Variants in ANO2 observed in about 807,000 individuals in gnomAD.
ANO2 encodes anoctamin 2, also known as anoctamin-2.
Under a neutral mutation model 124.2 loss-of-function variants are expected in ANO2, and 101 were observed. That is an observed-to-expected ratio of 0.81 (90% CI 0.69 to 0.96). ANO2 has a LOEUF of 0.96. Among genes scored for constraint, ANO2 ranks in the 40% least tolerant of loss-of-function variants. The pLI, the probability that ANO2 is intolerant of heterozygous loss-of-function variation, is 0.00. For missense variants in ANO2, 1,293 were observed against 1,274.5 expected, an observed-to-expected ratio of 1.01 and a Z score of -0.22; for synonymous variants, 486 against 482.5, an observed-to-expected ratio of 1.01 and a Z score of -0.09.
In ANO2 at chr12:5,904,369, AC is replaced by A. The variant is rs1325516373; in HGVS notation, c.534+16670del. Among the ~76,000 whole-genome samples the A allele has an allele frequency of 6.6e-6, 1 of 152,218 alleles. No individual in the cohort carries two copies. Among genetic ancestry groups the A allele is most frequent in the African/African-American group, 2.4e-5 (1 of 41,458 alleles). ...TGCAGCTGCCGCAAAGCAGGGTTACACTGAAGGGTCTGAATGAGTGGGATTG... is the reference window on the plus strand; with the variant it reads ...TGCAGCTGCCGCAAAGCAGGGTTACATGAAGGGTCTGAATGAGTGGGATTG... On this transcript the variant is annotated intron_variant, in intron 3 of 24. Transcript: ENST00000682330. This position sits in a 1 kb window ranked among gnomAD's most constrained non-coding sequence, Gnocchi z 4.1.
At chr12:5,846,788 A>G (rs981311822) in intron 4 of ANO2, among the ~76,000 whole-genome samples, 5 of 152,190 alleles carry the variant, frequency 3.3e-5, no homozygotes, top group Non-Finnish European at 7.4e-5. Context: ...GATACCTGTC[A>G]TTGGATTTAA....
intron 1 of ANO2, among the ~76,000 whole-genome samples, chr12:5,938,530 T>C (rs1157886552): frequency 6.6e-6 from 1 of 152,178 alleles, no homozygotes; most frequent in Non-Finnish European, 1.5e-5. Flanking sequence ...CTTATTAAGA[T>C]AAGCTAAGGG....
chr12:5,943,416 CTAAA>C (rs1368103930), intron 1 of ANO2, among the ~76,000 whole-genome samples: 2 of 151,866 alleles, frequency 1.3e-5, no homozygotes, highest in African/African-American at 4.8e-5. Context: ...GAATGGGTAA[CTAAA>C]TATCATATGT....
chr12:5,854,784 A>C (rs962325751), intron 3 of ANO2, among the ~76,000 whole-genome samples: 1 of 152,210 alleles, frequency 6.6e-6, no homozygotes, highest in Non-Finnish European at 1.5e-5. Context: ...TTCTCTCAAA[A>C]CATGAAAAAT....
intron 3 of ANO2, among the ~76,000 whole-genome samples, chr12:5,909,160 A>G (rs1182188957): frequency 3.3e-5 from 5 of 152,080 alleles, no homozygotes; most frequent in Non-Finnish European, 7.4e-5. Flanking sequence ...CTGTAGAAAA[A>G]CCCACAACCC....
rs1940566667 is a variant in ANO2, at chr12:5,904,845, T to C, written c.534+16195A>G. Reference sequence around the variant, plus strand: ...TAAAAGGTATCTGCAGGGATCCAGCTCTTTCCCAACCCACAAGCTCCCACC... The same window carrying C: ...TAAAAGGTATCTGCAGGGATCCAGCCCTTTCCCAACCCACAAGCTCCCACC... On this transcript the variant is annotated intron_variant, in intron 3 of 24. Transcript: ENST00000682330. The surrounding 1 kb of genome is among the most constrained non-coding windows in gnomAD (Gnocchi z 4.1). Among the ~76,000 whole-genome samples the C allele has an allele frequency of 1.3e-5, 2 of 152,086 alleles. No homozygotes were observed. The highest frequency in any genetic ancestry group is 2.9e-5 in the Non-Finnish European group (2 of 68,010).
intron 10 of ANO2, among the ~76,000 whole-genome samples, chr12:5,781,404 G>A (rs1952390723): frequency 6.6e-6 from 1 of 152,186 alleles, no homozygotes; most frequent in African/African-American, 2.4e-5. Flanking sequence ...AAATGGCCCT[G>A]TGCCTAGCTG....
chr12:5,832,357 C>T (rs1954178351), intron 5 of ANO2, 95 bp downstream of exon 5: 1 of 1,459,634 alleles, frequency 6.9e-7, no homozygotes, highest in East Asian at 2.3e-5. Context: ...ACTGGGGCAC[C>T]CACTTTGGGA....
intron 3 of ANO2, among the ~76,000 whole-genome samples, chr12:5,896,498 C>T (rs896285391): frequency 2.0e-5 from 3 of 152,204 alleles, no homozygotes; most frequent in Non-Finnish European, 2.9e-5. Flanking sequence ...ACATACAGTG[C>T]CTTCAATTTT....
chr12:5,867,628 G>A (rs73257236), intron 3 of ANO2, among the ~76,000 whole-genome samples: 1,922 of 152,206 alleles, frequency 0.013, 39 homozygotes, highest in African/African-American at 0.04. Flanking sequence ...CATGGCTCTG[G>A]CTCCAGCAGA....
At chr12:5,837,751 G>A (rs1450874312) in intron 4 of ANO2, among the ~76,000 whole-genome samples, 4 of 151,364 alleles carry the variant, frequency 2.6e-5, no homozygotes, top group Non-Finnish European at 5.9e-5. Context: ...ATGCCCACAA[G>A]AGAAAGCAGG....
At chr12:5,916,719 T>A (rs1217631559) in intron 3 of ANO2, among the ~76,000 whole-genome samples, 2 of 109,834 alleles carry the variant, frequency 1.8e-5, no homozygotes, top group African/African-American at 5.1e-5. Flanking sequence ...GTCTTTTTTT[T>A]AATTTAAAAA....
rs936694113 is a variant in ANO2 at position 5,739,294 on chromosome 12, G to C, written c.1434+23C>G. 2.5e-6 allele frequency: 4 copies of C among 1,570,830 alleles called. No individual in the cohort carries two copies. The Admixed American group carries it at 7.3e-5, about 29-fold the overall frequency. On this transcript the variant is annotated intron_variant, in intron 13 of 24. Transcript: ENST00000682330. ...AAAGCAAAAGCCCACAGAAGTATGTGAGAAATACGTGAGAGAACTCACTTC... is the reference window on the plus strand; with the variant it reads ...AAAGCAAAAGCCCACAGAAGTATGTCAGAAATACGTGAGAGAACTCACTTC...
chr12:5,816,694 C>T (rs1025855475), intron 7 of ANO2, among the ~76,000 whole-genome samples: 4 of 152,164 alleles, frequency 2.6e-5, no homozygotes, highest in Admixed American at 1.3e-4. Flanking sequence ...TCCTGACATA[C>T]GTAAGTTTCC....
At chr12:5,570,907 A>G (rs1299952766) in intron 23 of ANO2, among the ~76,000 whole-genome samples, 1 of 152,178 alleles carries the variant, frequency 6.6e-6, no homozygotes, top group East Asian at 1.9e-4. Context: ...GGAACTAATG[A>G]GTAGCATGTC....
intron 7 of ANO2, among the ~76,000 whole-genome samples, chr12:5,823,707 C>A (rs1591658697): frequency 6.6e-6 from 1 of 152,222 alleles, no homozygotes; most frequent in Non-Finnish European, 1.5e-5. Context: ...TCTCATAGCT[C>A]CACTAGGCAG....
At chr12:5,599,747 A>C (rs1406673387) in intron 19 of ANO2, 118 bp from the exon 20 acceptor site, 11 of 1,131,314 alleles carry the variant, frequency 9.7e-6, no homozygotes, top group Non-Finnish European at 1.3e-5. Context: ...TGATCCAAAA[A>C]CAAGTAGAGA....
intron 10 of ANO2, among the ~76,000 whole-genome samples, chr12:5,781,275 G>A (rs1002083139): frequency 3.5e-4 from 54 of 152,320 alleles, no homozygotes; most frequent in East Asian, 7.7e-4. Context: ...GAAATCAGAC[G>A]CATTCAAATA....
intron 7 of ANO2, among the ~76,000 whole-genome samples, chr12:5,824,784 G>C (rs1753883361): frequency 6.6e-6 from 1 of 152,138 alleles, no homozygotes; most frequent in African/African-American, 2.4e-5. Context: ...AGACTGGGAA[G>C]AAAAAGGACT....
Sources: gnomAD v4.1 joint callset for allele counts (sites outside exome capture counted in the v4.1 genomes callset) on GRCh38, gnomAD v4.1.1 for gene constraint, Gnocchi (gnomAD v3.1) non-coding constraint, MANE v1.5 for transcripts, NCBI Gene and HGNC (gene_info 2026-07-23, HGNC 2026-07-21) for gene names.